Variants in FANCD2OS observed in about 807,000 individuals in gnomAD.
FANCD2OS encodes the protein FANCD2 opposite strand protein.
FANCD2OS carries 11 observed loss-of-function variants against 13.2 expected under a neutral mutation model. The observed-to-expected ratio is 0.83, with a 90% CI of 0.52 to 1.38. The LOEUF (loss-of-function observed/expected upper bound fraction) is 1.38, where lower values mean the gene tolerates loss of function less well. Ranked by LOEUF, FANCD2OS falls within the 40% of genes most tolerant of loss-of-function variation. The probability of loss-of-function intolerance (pLI) is 0.00; values close to 1 mark genes in which losing one functional copy is unlikely to be tolerated. For missense variants in FANCD2OS, 217 were observed against 213.9 expected (o/e 1.01, Z -0.09); for synonymous variants, 69 against 84.5 (o/e 0.82, Z 1.01).
At chr3:10,098,446 A>C (rs554722329), downstream of FANCD2OS, among the ~76,000 whole-genome samples, 1 of 152,308 alleles carries the variant, frequency 6.6e-6, no homozygotes, top group Non-Finnish European at 1.5e-5. Flanking sequence ...AGAGTCACCA[A>C]TACAGTCTAG....
At chr3:10,094,803 T>A (rs575080915) in intron 2 of FANCD2OS, 10 of 329,030 alleles carry the variant, frequency 3.0e-5, no homozygotes, top group South Asian at 2.4e-4. Context: ...GCTAGAGTGA[T>A]GAATTAAGGA....
At chr3:10,101,231 A>G, downstream of FANCD2OS, 1 of 1,613,406 alleles carries the variant, frequency 6.2e-7, no homozygotes, top group Non-Finnish European at 8.5e-7. Context: ...AAGGAGCAAG[A>G]TAGTGATGAG....
At chr3:10,081,674 A>T (rs1693847304) in intron 2 of FANCD2OS, 3 of 596,670 alleles carry the variant, frequency 5.0e-6, no homozygotes, top group African/African-American at 3.7e-5. Flanking sequence ...AACCCATTTG[A>T]CAGATTAGGT....
downstream of FANCD2OS, chr3:10,099,278 T>TA (rs757033789): frequency 6.4e-5 from 81 of 1,271,014 alleles, no homozygotes; most frequent in Non-Finnish European, 7.7e-5. Flanking sequence ...TAGAAGTTCT[T>TA]ACGCTTTTTT....
intron 1 of FANCD2OS, among the ~76,000 whole-genome samples, chr3:10,105,720 C>A (rs1159983722): frequency 2.2e-5 from 3 of 133,526 alleles, no homozygotes. Flanking sequence ...CACTGCACTC[C>A]AGCCTGGGTG....
At chr3:10,099,179 G>A, downstream of FANCD2OS, 5 of 1,413,060 alleles carry the variant, frequency 3.5e-6, no homozygotes, top group Non-Finnish European at 4.6e-6. Context: ...AAACACATTT[G>A]AAACATACAA....
chr3:10,088,494 A>T, intron 2 of FANCD2OS: 1 of 1,613,052 alleles, frequency 6.2e-7, no homozygotes, highest in South Asian at 1.1e-5. Flanking sequence ...CCAAGTGGGG[A>T]TAAAGAGAAG....
chr3:10,087,037 A>C, intron 2 of FANCD2OS: 1 of 1,357,182 alleles, frequency 7.4e-7, no homozygotes, highest in Non-Finnish European at 1.1e-6. Context: ...TAGGCCGTCA[A>C]ACACTGAAAG....
downstream of FANCD2OS, chr3:10,099,428 AGCT>A: frequency 6.7e-6 from 5 of 744,494 alleles, no homozygotes; most frequent in Non-Finnish European, 8.7e-6. Flanking sequence ...CTCAAGGCAA[AGCT>A]GCACAACATA....
chr3:10,088,577 G>C (rs774237163), intron 2 of FANCD2OS: 1 of 1,424,462 alleles, frequency 7.0e-7, no homozygotes, highest in Admixed American at 1.7e-5. Context: ...GAGCCAAATA[G>C]CTTTTTTCTA....
At chr3:10,082,055 C>T (rs1229477228) in intron 2 of FANCD2OS, among the ~76,000 whole-genome samples, 1 of 152,206 alleles carries the variant, frequency 6.6e-6, no homozygotes, top group African/African-American at 2.4e-5. Flanking sequence ...GCATTTATAT[C>T]CAACTGCCTA....
chr3:10,092,202 T>TA, intron 2 of FANCD2OS: 1 of 1,613,970 alleles, frequency 6.2e-7, no homozygotes, highest in East Asian at 2.2e-5. Context: ...GAAACTCCTC[T>TA]ACTGGAACAT....
chr3:10,096,985 T>C (rs539654951), intron 2 of FANCD2OS, among the ~76,000 whole-genome samples: 115 of 152,232 alleles, frequency 7.6e-4, no homozygotes, highest in African/African-American at 2.6e-3. Flanking sequence ...AAGAGAGAAA[T>C]TTTAAAGCTG....
chr3:10,091,736 A>G (rs1442199538), intron 2 of FANCD2OS, among the ~76,000 whole-genome samples: 1 of 152,130 alleles, frequency 6.6e-6, no homozygotes, highest in Non-Finnish European at 1.5e-5. Context: ...TGAATCTCAG[A>G]AACTCAAAAC....
intron 2 of FANCD2OS, chr3:10,087,383 A>G: frequency 1.1e-6 from 1 of 937,788 alleles, no homozygotes. Context: ...ATAACCTTGG[A>G]TAGGCCCTCT....
In FANCD2OS at chr3:10,081,492, C is replaced by T. The variant is rs754206628; in HGVS notation, c.*83G>A. 1.9e-5 allele frequency: 27 copies of T among 1,433,538 alleles called. No homozygotes were observed. In the South Asian group the frequency reaches 3.1e-4, roughly 16 times the overall value. 88.8% of individuals were successfully genotyped at this position (1,433,538 alleles called of 1,614,324 possible). On this transcript the variant is annotated 3_prime_UTR_variant, in exon 3 of 3. Transcript: ENST00000524279. ...AAGTATGTGGGAAGTGTGGAGAGAA[C>T]TGAGTATATACTTGCTTTTATTTGA...
At chr3:10,085,015 G>C (rs1056882146) in intron 2 of FANCD2OS, among the ~76,000 whole-genome samples, 1 of 152,196 alleles carries the variant, frequency 6.6e-6, no homozygotes, top group Non-Finnish European at 1.5e-5. Flanking sequence ...GGCTTGGAAA[G>C]GAAGGGACAA....
rs759252565 is a variant in FANCD2OS at position 10,085,872 on chromosome 3, T to C, written c.*44-4341A>G. 1.9e-6 allele frequency: 3 copies of C among 1,613,796 alleles called. No homozygotes were observed. The highest frequency in any genetic ancestry group is 2.2e-5 in the East Asian group (1 of 44,882). On this transcript the variant is annotated intron_variant, in intron 2 of 2. Transcript: ENST00000524279. ...TGTATTCAGCCCTCCATGTCCTTAGTAGCCGACTGAAACAGGGAGAACACA... is the reference window on the plus strand; with the variant it reads ...TGTATTCAGCCCTCCATGTCCTTAGCAGCCGACTGAAACAGGGAGAACACA...
At chr3:10,090,089 T>TA (rs1694494878) in intron 2 of FANCD2OS, among the ~76,000 whole-genome samples, 2 of 152,206 alleles carry the variant, frequency 1.3e-5, no homozygotes, top group African/African-American at 4.8e-5. Flanking sequence ...CCTCCTTTCA[T>TA]AAAGTTAATT....
Sources: allele counts gnomAD v4.1 joint callset (sites outside exome capture counted in the v4.1 genomes callset), GRCh38; gene constraint gnomAD v4.1.1; transcripts MANE v1.5; gene names NCBI Gene and HGNC (gene_info 2026-07-23, HGNC 2026-07-21).